The following GATA4 variants were observed in gnomAD, a reference collection of about 807,000 sequenced individuals.
GATA4 encodes the protein GATA binding protein 4, also known as transcription factor GATA-4.
Under a neutral mutation model 37.9 loss-of-function variants are expected in GATA4, and 7 were observed. The observed-to-expected ratio is 0.18, with a 90% CI of 0.11 to 0.35. The LOEUF is 0.35. GATA4 is among the 10% of genes least tolerant of loss of function. GATA4 has a pLI of 1.00. For synonymous variants in GATA4, 372 were observed against 292.6 expected (o/e 1.27, Z -2.77); for missense variants, 647 against 653.0 (o/e 0.99, Z 0.10).
intron 4 of GATA4, among the ~76,000 whole-genome samples, chr8:11,751,871 C>G (rs1374338234): frequency 6.6e-6 from 1 of 152,204 alleles, no homozygotes; most frequent in Non-Finnish European, 1.5e-5. Context: ...ATTACTGCAT[C>G]TATTAACTTA....
At chr8:11,726,365 C>G (rs980911871) in intron 2 of GATA4, among the ~76,000 whole-genome samples, 1 of 152,176 alleles carries the variant, frequency 6.6e-6, no homozygotes, top group African/African-American at 2.4e-5. Context: ...ACCTAGAAGG[C>G]CAGGAAGCGA....
intron 2 of GATA4, among the ~76,000 whole-genome samples, chr8:11,713,301 G>T (rs1800282154): frequency 6.6e-6 from 1 of 152,168 alleles, no homozygotes; most frequent in African/African-American, 2.4e-5. Flanking sequence ...TAATTAGGCT[G>T]CATGAATGGA....
intron 1 of GATA4, among the ~76,000 whole-genome samples, chr8:11,696,505 C>A (rs1046668143): frequency 1.3e-5 from 2 of 152,022 alleles, no homozygotes; most frequent in Non-Finnish European, 2.9e-5. Flanking sequence ...TTTACCTATT[C>A]CCCTGCTTAA....
At chr8:11,693,159 A>C in intron 1 of GATA4, 4 of 873,732 alleles carry the variant, frequency 4.6e-6, no homozygotes, top group Non-Finnish European at 5.5e-6. Flanking sequence ...AAAGAGCTGT[A>C]AGGAAGCTTA....
Position 11,708,528 on chromosome 8 carries a change from T to A in GATA4, c.216T>A (p.Gly72=), listed in dbSNP as rs1800003822. The part of the protein sequence containing the change: ...ASGGASGGSS[G]GAASGAGPGT... ...GAGGCGCCTCGGGCGGCAGCTCCGG[T>A]GGGGCCGCGTCTGGTGCGGGGCCCG... Residue 72 remains glycine, a synonymous_variant, in exon 2 of 7, where the codon GGT becomes GGA. Transcript: ENST00000532059. The surrounding 1 kb of genome is among the most constrained non-coding windows in gnomAD (Gnocchi z 6.7). The A allele has an allele frequency of 2.8e-6, 4 of 1,452,678 alleles. No homozygotes were observed. Among genetic ancestry groups the A allele is most frequent in the African/African-American group, 3.0e-5 (2 of 67,330 alleles). The allele number at this position is 1,452,678 out of a possible 1,614,324, so 90.0% of individuals were successfully genotyped here. A position where few individuals can be genotyped will look rare whatever the true frequency, so the allele number is the denominator to read the frequency against.
rs1802811630 is a variant in GATA4, at chr8:11,759,915, C to CTCGTA, written c.*1441_*1442insCGTAT. The stretch of plus-strand genomic sequence containing the variant: ...CCAAAGGCCCCCTCGTATACCCTCC[C>CTCGTA]TAACCCACAAACCTGTTAACATTGT... On this transcript the variant is annotated 3_prime_UTR_variant, in exon 7 of 7. Transcript: ENST00000532059. 2 of 152,678 alleles carry CTCGTA rather than the reference C, an allele frequency of 1.3e-5. No homozygotes were observed. Among genetic ancestry groups the CTCGTA allele is most frequent in the South Asian group, 4.1e-4 (2 of 4,832 alleles). The allele number at this position is 152,678 out of a possible 1,614,324, so 9.5% of individuals were successfully genotyped here. A position where few individuals can be genotyped will look rare whatever the true frequency, so the allele number is the denominator to read the frequency against.
intron 2 of GATA4, among the ~76,000 whole-genome samples, chr8:11,718,736 C>G (rs1250485350): frequency 6.6e-6 from 1 of 152,180 alleles, no homozygotes; most frequent in African/African-American, 2.4e-5. Context: ...CTTTCTACTC[C>G]CCAGTTGAAA....
rs771604244 is a variant in GATA4 at position 11,755,078 on chromosome 8, G to C, written c.945G>C (p.Gly315=). ...GGCCTCTTGCAATGCGGAAAGAGGG[G>C]ATCCAAACCAGAAAACGGAAGCCCA... ...VPRPLAMRKE[G]IQTRKRKPKN... is the part of the protein sequence containing the mutation. Residue 315 remains glycine, a synonymous_variant, in exon 5 of 7, where the codon GGG becomes GGC. Transcript: ENST00000532059. 2 of 1,614,142 alleles carry C rather than the reference G, an allele frequency of 1.2e-6. No homozygotes were observed. Among genetic ancestry groups the C allele is most frequent in the South Asian group, 2.2e-5 (2 of 91,080 alleles).
At chr8:11,735,479 A>G (rs897456458) in intron 2 of GATA4, among the ~76,000 whole-genome samples, 1 of 152,266 alleles carries the variant, frequency 6.6e-6, no homozygotes, top group Non-Finnish European at 1.5e-5. Flanking sequence ...ATATCTGGAA[A>G]AACAGGAAAA....
chr8:11,681,137 G>C (rs1163658418), intron 1 of GATA4: 64 of 985,164 alleles, frequency 6.5e-5, no homozygotes, highest in Non-Finnish European at 7.6e-5. Flanking sequence ...ACCGAGCCCA[G>C]GGAATCTCCA....
intron 2 of GATA4, among the ~76,000 whole-genome samples, chr8:11,722,664 C>T (rs1800729236): frequency 6.6e-6 from 1 of 152,204 alleles, no homozygotes; most frequent in Admixed American, 6.5e-5. Flanking sequence ...TGACTGCCTT[C>T]TCTTCATGAC....
chr8:11,742,793 G>A (rs753151139), intron 2 of GATA4, among the ~76,000 whole-genome samples: 10 of 152,232 alleles, frequency 6.6e-5, no homozygotes, highest in Non-Finnish European at 1.3e-4. Context: ...GGCGCCAGCC[G>A]CAGGGACAGA....
At chr8:11,728,352 A>G (rs1039070155) in intron 2 of GATA4, among the ~76,000 whole-genome samples, 1 of 152,192 alleles carries the variant, frequency 6.6e-6, no homozygotes, top group African/African-American at 2.4e-5. Flanking sequence ...TATTGAAAAT[A>G]GTATCTTTTT....
intron 2 of GATA4, among the ~76,000 whole-genome samples, chr8:11,729,771 G>C (rs1004694355): frequency 6.6e-6 from 1 of 152,202 alleles, no homozygotes; most frequent in African/African-American, 2.4e-5. Flanking sequence ...TTTCCGCCTG[G>C]AAATGCATCT....
chr8:11,756,890 T>C (rs1335924338), intron 5 of GATA4, 45 bp from the exon 6 acceptor site: 3 of 1,613,948 alleles, frequency 1.9e-6, no homozygotes, highest in African/African-American at 2.7e-5. Context: ...GCTGTTCGTT[T>C]GTCCCTGCCG....
chr8:11,744,189 C>A (rs917487340), intron 2 of GATA4, among the ~76,000 whole-genome samples: 1 of 152,168 alleles, frequency 6.6e-6, no homozygotes, highest in African/African-American at 2.4e-5. Flanking sequence ...CTCCCCTCCT[C>A]CAATAACCAG....
chr8:11,729,120 C>G (rs1801081127), intron 2 of GATA4, among the ~76,000 whole-genome samples: 1 of 152,110 alleles, frequency 6.6e-6, no homozygotes, highest in African/African-American at 2.4e-5. Context: ...ATAATCCCAA[C>G]TACTCAGGAG....
At chr8:11,738,285 G>C (rs556476013) in intron 2 of GATA4, among the ~76,000 whole-genome samples, 3 of 151,318 alleles carry the variant, frequency 2.0e-5, no homozygotes, top group African/African-American at 7.3e-5. Flanking sequence ...AAGTCCTTCC[G>C]TGAGCCACCA....
Position 11,708,402 on chromosome 8 carries a change from G to T in GATA4, c.90G>T (p.Ala30=), listed in dbSNP as rs768982638. 2.6e-6 allele frequency: 4 copies of T among 1,541,498 alleles called. No individual in the cohort carries two copies. The highest frequency in any genetic ancestry group is 1.7e-6 in the Non-Finnish European group (2 of 1,150,226). Residue 30 remains alanine, a synonymous_variant, in exon 2 of 7, where the codon GCG becomes GCT. Transcript: ENST00000532059. This position sits in a 1 kb window ranked among gnomAD's most constrained non-coding sequence, Gnocchi z 6.7. ...AGGPGAFMHG[A]GAASSPVYVP... ...GCCCCGGCGCCTTCATGCACGGCGC[G>T]GGCGCCGCGTCCTCGCCAGTCTACG...
Sources: gnomAD v4.1 joint callset for allele counts (sites outside exome capture counted in the v4.1 genomes callset) on GRCh38, gnomAD v4.1.1 for gene constraint, Gnocchi (gnomAD v3.1) non-coding constraint, MANE v1.5 for transcripts, NCBI Gene and HGNC (gene_info 2026-07-23, HGNC 2026-07-21) for gene names.